The following SLC35A3 variants were observed in gnomAD, a reference collection of about 807,000 sequenced individuals.
SLC35A3 encodes the protein solute carrier family 35 member A3, also known as UDP-N-acetylglucosamine transporter.
In SLC35A3, 26 loss-of-function variants were observed where a neutral mutation model predicts 39.0. The observed-to-expected ratio is 0.67, with a 90% CI of 0.49 to 0.92. The LOEUF is 0.92. SLC35A3 is among the 40% of genes least tolerant of loss of function. The probability of loss-of-function intolerance (pLI) is 0.00; values close to 1 mark genes in which losing one functional copy is unlikely to be tolerated. For synonymous variants in SLC35A3, 135 were observed against 133.1 expected, an observed-to-expected ratio of 1.01 and a Z score of -0.10; for missense variants, 299 against 371.6, an observed-to-expected ratio of 0.80 and a Z score of 1.61.
At chr1:99,995,144 CTTTCTTTCTTTCTTT>C (rs1658321708) in intron 2 of SLC35A3, among the ~76,000 whole-genome samples, 2 of 129,320 alleles carry the variant, frequency 1.5e-5, no homozygotes, top group Non-Finnish European at 3.3e-5. Flanking sequence ...TTCTTTCTTT[CTTTCTTTCTTTCTTT>C]CTTTTTTTTT....
rs987599534 is a variant in SLC35A3, at chr1:100,030,706, T to G, written c.*8230T>G. The G allele has an allele frequency of 2.0e-5, 3 of 152,224 alleles. No homozygotes were observed. The highest frequency in any genetic ancestry group is 2.0e-4 in the Admixed American group (3 of 15,276). 9.4% of individuals were successfully genotyped at this position (152,224 alleles called of 1,614,324 possible). ...GTTTGGTCTTTTAAAAGATACTGCA[T>G]GTACAAACATGATTTCTAATAATTG... is the stretch of plus-strand genomic sequence containing the variant. On this transcript the variant is annotated 3_prime_UTR_variant, in exon 8 of 8. Transcript: ENST00000533028.
At chr1:99,994,346 TA>T (rs1163868369) in intron 2 of SLC35A3, among the ~76,000 whole-genome samples, 1 of 131,438 alleles carries the variant, frequency 7.6e-6, no homozygotes, top group Non-Finnish European at 1.6e-5. Context: ...CACTTTTATC[TA>T]AAATTTTTTA....
rs1329948708 is a variant in SLC35A3, at chr1:100,026,096, A to G, written c.*3620A>G. 1 of 152,202 alleles carries G rather than the reference A, an allele frequency of 6.6e-6. No individual in the cohort carries two copies. The highest frequency in any genetic ancestry group is 2.4e-5 in the African/African-American group (1 of 41,458). 9.4% of individuals were successfully genotyped at this position (152,202 alleles called of 1,614,324 possible). The stretch of plus-strand genomic sequence containing the variant: ...AAAGGTAGCTTGATATTTAGATTCT[A>G]AGATATAATCTGAAAGGAAACTAAT... On this transcript the variant is annotated 3_prime_UTR_variant, in exon 8 of 8. Coordinates refer to ENST00000533028, the MANE Select transcript of SLC35A3 (RefSeq NM_012243.3).
intron 1 of SLC35A3, among the ~76,000 whole-genome samples, chr1:99,973,438 A>G (rs1656929244): frequency 6.6e-6 from 1 of 152,216 alleles, no homozygotes; most frequent in South Asian, 2.1e-4. Context: ...GAAGGAGTGT[A>G]GTGGTTATAT....
rs1392818168 is a variant in SLC35A3 at position 100,035,245 on chromosome 1, ATTT to A, written c.*12773_*12775del. 6.6e-6 allele frequency: 1 copy of A among 152,074 alleles called. No individual in the cohort carries two copies. The highest frequency in any genetic ancestry group is 1.5e-5 in the Non-Finnish European group (1 of 68,020). 9.4% of individuals were successfully genotyped at this position (152,074 alleles called of 1,614,324 possible). On this transcript the variant is annotated 3_prime_UTR_variant, in exon 8 of 8. Coordinates refer to ENST00000533028, the MANE Select transcript of SLC35A3 (RefSeq NM_012243.3). ...ATGTAATGCTGTGTAGTCATACTGTATTTTTTACTTGTATTTTTGTTGTTTTGT... is the reference window on the plus strand; with the variant it reads ...ATGTAATGCTGTGTAGTCATACTGTATTTACTTGTATTTTTGTTGTTTTGT...
intron 1 of SLC35A3, among the ~76,000 whole-genome samples, chr1:99,986,078 A>C (rs185187160): frequency 1.1e-4 from 17 of 151,768 alleles, no homozygotes; most frequent in African/African-American, 2.7e-4. Flanking sequence ...TTTTGAGTTT[A>C]TTCTACTGTT....
At position 100,015,571 on chromosome 1, in the gene SLC35A3, G is replaced by C. The variant is rs1450487203; in HGVS notation, c.753+151G>C. 3 of 812,808 alleles carry C rather than the reference G, an allele frequency of 3.7e-6. No homozygotes were observed. In the African/African-American group the frequency reaches 5.3e-5, roughly 14 times the overall value. The allele number at this position is 812,808 out of a possible 1,614,324, so 50.3% of individuals were successfully genotyped here. On this transcript the variant is annotated intron_variant, in intron 6 of 7. Coordinates refer to ENST00000533028, the MANE Select transcript of SLC35A3 (RefSeq NM_012243.3). ...TTTATTCAAGGAAGTGAAAATAGAA[G>C]TGATCTTAATGCTGTAATGAAATCT...
At chr1:99,995,292 A>G (rs1043004770) in intron 2 of SLC35A3, among the ~76,000 whole-genome samples, 1 of 151,810 alleles carries the variant, frequency 6.6e-6, no homozygotes, top group African/African-American at 2.4e-5. Context: ...AGCTGTGATT[A>G]CAGGTGCATG....
chr1:99,991,207 G>A (rs1026933483), intron 1 of SLC35A3, among the ~76,000 whole-genome samples: 1 of 152,028 alleles, frequency 6.6e-6, no homozygotes, highest in South Asian at 2.1e-4. Context: ...GTGCAGTGGC[G>A]CAATCTCAGC....
In SLC35A3 at chr1:100,025,329, AGT is replaced by A. The variant is rs1221234656; in HGVS notation, c.*2854_*2855del. The A allele has an allele frequency of 6.6e-6, 1 of 152,240 alleles. No homozygotes were observed. Among genetic ancestry groups the A allele is most frequent in the Non-Finnish European group, 1.5e-5 (1 of 68,028 alleles). 9.4% of individuals were successfully genotyped at this position (152,240 alleles called of 1,614,324 possible). Reference sequence around the variant, plus strand: ...TGTGCATTCACATTTAATCAGGTTTAGTCTGTTTCTATTTTAATAATTTTAAA... The same window carrying A: ...TGTGCATTCACATTTAATCAGGTTTACTGTTTCTATTTTAATAATTTTAAA... On this transcript the variant is annotated 3_prime_UTR_variant, in exon 8 of 8. Coordinates refer to ENST00000533028, the MANE Select transcript of SLC35A3 (RefSeq NM_012243.3).
intron 1 of SLC35A3, among the ~76,000 whole-genome samples, chr1:99,977,071 T>A (rs759272684): frequency 2.0e-5 from 3 of 152,186 alleles, no homozygotes; most frequent in Non-Finnish European, 2.9e-5. Context: ...TCACATTAAA[T>A]TTTTAAAAAT....
At position 100,033,157 on chromosome 1, in the gene SLC35A3, T is replaced by TA. The variant is rs1249762227; in HGVS notation, c.*10685dup. On this transcript the variant is annotated 3_prime_UTR_variant, in exon 8 of 8. Coordinates refer to ENST00000533028, the MANE Select transcript of SLC35A3 (RefSeq NM_012243.3). Reference sequence around the variant, plus strand: ...ATGAATTCAAATTAATATTTACAACTAAAATTTAGCAACATGGCCAGGTGC... The same window carrying TA: ...ATGAATTCAAATTAATATTTACAACTAAAAATTTAGCAACATGGCCAGGTGC... 6.6e-6 allele frequency: 1 copy of TA among 152,042 alleles called. No homozygotes were observed. Among genetic ancestry groups the TA allele is most frequent in the East Asian group, 1.9e-4 (1 of 5,180 alleles). 9.4% of individuals were successfully genotyped at this position (152,042 alleles called of 1,614,324 possible).
At chr1:99,994,284 C>T (rs1250880893) in intron 2 of SLC35A3, among the ~76,000 whole-genome samples, 2 of 151,984 alleles carry the variant, frequency 1.3e-5, no homozygotes, top group Non-Finnish European at 2.9e-5. Context: ...TTGTAGTGTA[C>T]ACTTCATTGT....
intron 3 of SLC35A3, among the ~76,000 whole-genome samples, chr1:100,000,113 A>G (rs1217010124): frequency 6.6e-6 from 1 of 151,998 alleles, no homozygotes; most frequent in Non-Finnish European, 1.5e-5. Flanking sequence ...GGATTGCTGG[A>G]TTGTCTGGTA....
At chr1:100,011,290 A>G (rs546186814) in intron 4 of SLC35A3, 75 bp from the exon 5 acceptor site, 2 of 690,692 alleles carry the variant, frequency 2.9e-6, no homozygotes, top group South Asian at 7.2e-5. Context: ...GTTATGGTCT[A>G]AGAGTGGGCT....
At chr1:99,990,893 G>A (rs184998387) in intron 1 of SLC35A3, among the ~76,000 whole-genome samples, 1 of 152,264 alleles carries the variant, frequency 6.6e-6, no homozygotes, top group African/African-American at 2.4e-5. Flanking sequence ...TCTGTTTTCT[G>A]CCATGTGAGG....
chr1:100,012,855 G>A (rs956992945), intron 5 of SLC35A3, among the ~76,000 whole-genome samples: 1 of 152,176 alleles, frequency 6.6e-6, no homozygotes, highest in African/African-American at 2.4e-5. Context: ...TAAATTATCA[G>A]TATAATACAT....
At chr1:100,017,411 A>C (rs1660227348) in intron 6 of SLC35A3, among the ~76,000 whole-genome samples, 2 of 152,220 alleles carry the variant, frequency 1.3e-5, no homozygotes, top group African/African-American at 4.8e-5. Flanking sequence ...TTGGATAATG[A>C]TAGACATTTT....
rs1410899219 is a variant in SLC35A3 at position 100,032,905 on chromosome 1, A to G, written c.*10429A>G. ...TTTAGTCCTTATTTGCTTTAGGCAC[A>G]AGAAATCTGAGGCTTACCTTATATT... On this transcript the variant is annotated 3_prime_UTR_variant, in exon 8 of 8. Transcript: ENST00000533028. 1.3e-5 allele frequency: 2 copies of G among 152,318 alleles called. No homozygotes were observed. Among genetic ancestry groups the G allele is most frequent in the Admixed American group, 6.5e-5 (1 of 15,298 alleles). The allele number at this position is 152,318 out of a possible 1,614,324, so 9.4% of individuals were successfully genotyped here. A position where few individuals can be genotyped will look rare whatever the true frequency, so the allele number is the denominator to read the frequency against.
Sources: gnomAD v4.1 joint callset for allele counts (sites outside exome capture counted in the v4.1 genomes callset) on GRCh38, gnomAD v4.1.1 for gene constraint, MANE v1.5 for transcripts, NCBI Gene and HGNC (gene_info 2026-07-23, HGNC 2026-07-21) for gene names.